The following MATR3 variants were observed in gnomAD, a reference collection of about 807,000 sequenced individuals.
MATR3 encodes the protein matrin 3.
Under a neutral mutation model 85.5 loss-of-function variants are expected in MATR3, and 4 were observed. The ratio of observed to expected loss-of-function variants is 0.05; its 90% CI spans 0.02 to 0.11. The LOEUF (loss-of-function observed/expected upper bound fraction) is 0.11, where lower values mean the gene tolerates loss of function less well. Ranked by LOEUF, MATR3 falls within the 10% of genes least tolerant of loss-of-function variation. The pLI, the probability that MATR3 is intolerant of heterozygous loss-of-function variation, is 1.00. For synonymous variants in MATR3, 336 were observed against 343.1 expected, an observed-to-expected ratio of 0.98 and a Z score of 0.23; for missense variants, 685 against 1,016.1, an observed-to-expected ratio of 0.67 and a Z score of 4.43.
rs989864671 is a variant in MATR3, at chr5:139,295,040, T to C, written c.-178+1235T>C. 2.0e-5 allele frequency: 3 copies of C among 152,352 alleles called. No individual in the cohort carries two copies. The East Asian group carries it at 5.8e-4, about 29-fold the overall frequency. The allele number at this position is 152,352 out of a possible 1,614,324, so 9.4% of individuals were successfully genotyped here. On this transcript the variant is annotated intron_variant, in intron 1 of 14. Transcript: ENST00000394805. Reference sequence around the variant, plus strand: ...TTGTATTGGTACTGCGTTCTGTGTTTTAAACCTTGGCTTAAGATTTCTGAA... The same window carrying C: ...TTGTATTGGTACTGCGTTCTGTGTTCTAAACCTTGGCTTAAGATTTCTGAA...
intron 1 of MATR3, 89 bp downstream of exon 1, chr5:139,293,894 C>T (rs1033762383): frequency 1.5e-5 from 15 of 988,070 alleles, no homozygotes; most frequent in Non-Finnish European, 1.8e-5. Flanking sequence ...ACAGGGGCTG[C>T]GGGGAGCCGG....
chr5:139,302,543 A>G (rs1754503641), intron 1 of MATR3, among the ~76,000 whole-genome samples: 1 of 152,242 alleles, frequency 6.6e-6, no homozygotes, highest in East Asian at 1.9e-4. Context: ...TAATAAATGA[A>G]GAAAAATTTA....
intron 3 of MATR3, chr5:139,283,256 TTAG>T (rs1753596434): frequency 6.6e-6 from 1 of 152,236 alleles, no homozygotes; most frequent in African/African-American, 2.4e-5. Flanking sequence ...AGCCTCTGAG[TTAG>T]AATCTGTGCT....
At chr5:139,314,325 G>A (rs1581243859) in intron 2 of MATR3, 1 of 313,798 alleles carries the variant, frequency 3.2e-6, no homozygotes, top group East Asian at 7.5e-5. Flanking sequence ...AGCATACAAT[G>A]AATACTTCAG....
At chr5:139,287,576 G>T (rs1162462306) in intron 3 of MATR3, among the ~76,000 whole-genome samples, 3 of 151,892 alleles carry the variant, frequency 2.0e-5, no homozygotes, top group African/African-American at 7.3e-5. Flanking sequence ...CCAAGATTGC[G>T]CCATTGCACA....
At chr5:139,284,022 T>C (rs886127192) in intron 3 of MATR3, among the ~76,000 whole-genome samples, 1 of 152,196 alleles carries the variant, frequency 6.6e-6, no homozygotes, top group East Asian at 1.9e-4. Context: ...TGTTGTGTCT[T>C]GAAATGTATT....
chr5:139,294,164 A>G lies in MATR3; in HGVS notation c.-178+359A>G, dbSNP rs1363014181. 23 of 857,962 alleles carry G rather than the reference A, an allele frequency of 2.7e-5. No individual in the cohort carries two copies. The East Asian group carries it at 4.3e-4, about 16-fold the overall frequency. 53.1% of individuals were successfully genotyped at this position (857,962 alleles called of 1,614,324 possible). On this transcript the variant is annotated intron_variant, in intron 1 of 14. Transcript: ENST00000394805. The stretch of plus-strand genomic sequence containing the variant: ...CGTTGTGGGCGGGGGCGGGACGACT[A>G]GCCCGTTACACGCGGGCCGCGGCGC...
chr5:139,277,396 TGG>T (rs1489335894), intron 2 of MATR3, among the ~76,000 whole-genome samples: 2 of 152,018 alleles, frequency 1.3e-5, no homozygotes, highest in Non-Finnish European at 2.9e-5. Context: ...GGGAGGATGT[TGG>T]GGGGCAGGGG....
rs2152036083 is a variant in MATR3 at position 139,330,487 on chromosome 5, T to C, written c.*1092T>C. Reference sequence around the variant, plus strand: ...TTTATTCGCTCTTAAACTTTGTGCATGCTTTAACAATTTATTACTTTTAAA... The same window carrying C: ...TTTATTCGCTCTTAAACTTTGTGCACGCTTTAACAATTTATTACTTTTAAA... On this transcript the variant is annotated 3_prime_UTR_variant, in exon 15 of 15. Coordinates refer to ENST00000394805, the MANE Select transcript of MATR3 (RefSeq NM_018834.6). 2.2e-6 allele frequency: 1 copy of C among 454,296 alleles called. No homozygotes were observed. The highest frequency in any genetic ancestry group is 1.6e-5 in the South Asian group (1 of 64,482). 28.1% of individuals were successfully genotyped at this position (454,296 alleles called of 1,614,324 possible).
At chr5:139,302,344 A>G (rs542126739) in intron 1 of MATR3, among the ~76,000 whole-genome samples, 5 of 152,348 alleles carry the variant, frequency 3.3e-5, no homozygotes, top group East Asian at 1.9e-4. Flanking sequence ...ATTAGAGAGC[A>G]TAAGATTTGA....
intron 12 of MATR3, among the ~76,000 whole-genome samples, chr5:139,323,469 T>C (rs6866346): frequency 0.94 from 142,562 of 152,298 alleles, 66,865 homozygotes; most frequent in East Asian, 1. Flanking sequence ...TTAGAAGCCA[T>C]GTATAAAGTG....
chr5:139,301,770 A>G (rs1205416628), intron 1 of MATR3, among the ~76,000 whole-genome samples: 1 of 152,198 alleles, frequency 6.6e-6, no homozygotes, highest in East Asian at 1.9e-4. Flanking sequence ...TACTTCATCA[A>G]TTCTGTGTAG....
chr5:139,292,676 T>G (rs1265090780), upstream of MATR3, among the ~76,000 whole-genome samples: 1 of 152,144 alleles, frequency 6.6e-6, no homozygotes, highest in African/African-American at 2.4e-5. Flanking sequence ...ATTCCTGATT[T>G]TAAAAACCAG....
rs1053495899 is a variant in MATR3, at chr5:139,331,098, A to G, written c.*1703A>G. The G allele has an allele frequency of 6.6e-6, 3 of 453,932 alleles. No homozygotes were observed. Among genetic ancestry groups the G allele is most frequent in the South Asian group, 1.6e-5 (1 of 64,476 alleles). 28.1% of individuals were successfully genotyped at this position (453,932 alleles called of 1,614,324 possible). Reference sequence around the variant, plus strand: ...GAGCCACCATCCCTGGCCAAGAAACAAAGTTTTAATTTCAAAAAAATCTAC... The same window carrying G: ...GAGCCACCATCCCTGGCCAAGAAACGAAGTTTTAATTTCAAAAAAATCTAC... On this transcript the variant is annotated 3_prime_UTR_variant, in exon 15 of 15. Transcript: ENST00000394805.
At chr5:139,316,997 GCTT>G in intron 5 of MATR3, 53 bp from the exon 6 acceptor site, 1 of 1,435,666 alleles carries the variant, frequency 7.0e-7, no homozygotes, top group Non-Finnish European at 9.8e-7. Flanking sequence ...CAGTAAAATT[GCTT>G]CTTTAAGCAA....
At chr5:139,328,472 T>C (rs1337326315) in intron 14 of MATR3, among the ~76,000 whole-genome samples, 2 of 152,186 alleles carry the variant, frequency 1.3e-5, no homozygotes, top group Admixed American at 6.6e-5. Flanking sequence ...CTAGAAACTC[T>C]AGCAGTCACA....
At chr5:139,287,935 G>T (rs1038967752) in intron 3 of MATR3, among the ~76,000 whole-genome samples, 1 of 152,170 alleles carries the variant, frequency 6.6e-6, no homozygotes, top group African/African-American at 2.4e-5. Flanking sequence ...TGGTGGCCGG[G>T]CATGGTGGCT....
In MATR3 at chr5:139,316,150, A is replaced by C. The variant is rs1318353930; in HGVS notation, c.1091A>C (p.His364Pro). The C allele has an allele frequency of 6.2e-7, 1 of 1,613,860 alleles. No homozygotes were observed. Among genetic ancestry groups the C allele is most frequent in the South Asian group, 1.1e-5 (1 of 91,066 alleles). Residue 364 changes from histidine to proline, a missense_variant, in exon 5 of 15, where the codon CAT (histidine) becomes CCT (proline). This residue lies in a region of MATR3 where 223 missense variants were observed against 334.4 expected (regional missense o/e 0.67). Transcript: ENST00000394805. ...GILGPPPPSF[H>P]LGGPAVGPRG... Reference sequence around the variant, plus strand: ...CTGGGACCTCCACCTCCCTCATTTCATCTTGGGGGACCAGCAGTTGGACCA... The same window carrying C: ...CTGGGACCTCCACCTCCCTCATTTCCTCTTGGGGGACCAGCAGTTGGACCA...
At chr5:139,323,624 T>G (rs1221314011) in intron 12 of MATR3, among the ~76,000 whole-genome samples, 1 of 152,040 alleles carries the variant, frequency 6.6e-6, no homozygotes, top group African/African-American at 2.4e-5. Context: ...AATGTCGGAG[T>G]CAGGCGGGCC....
Sources: gnomAD v4.1 joint callset for allele counts (sites outside exome capture counted in the v4.1 genomes callset) on GRCh38, gnomAD v4.1.1 for gene constraint, gnomAD v4.1.1 regional missense constraint, MANE v1.5 for transcripts, NCBI Gene and HGNC (gene_info 2026-07-23, HGNC 2026-07-21) for gene names.